The following CNTNAP2 variants were observed in gnomAD, a reference collection of about 807,000 sequenced individuals.
CNTNAP2 encodes contactin-associated protein-like 2.
CNTNAP2 carries 98 observed loss-of-function variants against 155.2 expected under a neutral mutation model. That is an observed-to-expected ratio of 0.63 (90% CI 0.54 to 0.75). The LOEUF (loss-of-function observed/expected upper bound fraction) is 0.75. Ranked by LOEUF, CNTNAP2 falls within the 30% of genes least tolerant of loss-of-function variation. The pLI is 0.00. For missense variants in CNTNAP2, 1,727 were observed against 1,688.1 expected (o/e 1.02, Z -0.40); for synonymous variants, 651 against 631.2 (o/e 1.03, Z -0.47).
At chr7:147,945,868 C>CTTTTTTTTTTTTTTTTTTTTTTTTT (rs34305612) in intron 14 of CNTNAP2, among the ~76,000 whole-genome samples, 1 of 123,362 alleles carries the variant, frequency 8.1e-6, no homozygotes, top group Non-Finnish European at 1.7e-5. Flanking sequence ...TTTTCTTTTT[C>CTTTTTTTTTTTTTTTTTTTTTTTTT]TTTTTTTTTT....
rs945129481 is a variant in CNTNAP2, at chr7:147,179,006, G to T, written c.1348+46497G>T. Among the ~76,000 whole-genome samples the T allele has an allele frequency of 2.0e-5, 3 of 152,024 alleles. No individual in the cohort carries two copies. In the East Asian group the frequency reaches 5.8e-4, roughly 29 times the overall value. The stretch of plus-strand genomic sequence containing the variant: ...CTGATCAGGGTGCTGGAGTTCAGGG[G>T]CTAGCTGAGCACTCATCCCAACTGC... On this transcript the variant is annotated intron_variant, in intron 8 of 23. Transcript: ENST00000361727.
intron 15 of CNTNAP2, among the ~76,000 whole-genome samples, chr7:147,981,530 G>A (rs568360436): frequency 6.6e-6 from 1 of 152,310 alleles, no homozygotes; most frequent in Non-Finnish European, 1.5e-5. Flanking sequence ...GTTGAGTGAT[G>A]ACAGCCCTCA....
chr7:147,055,564 C>T (rs1419483833), intron 4 of CNTNAP2, among the ~76,000 whole-genome samples: 5 of 152,152 alleles, frequency 3.3e-5, no homozygotes, highest in Non-Finnish European at 7.3e-5. Flanking sequence ...GCAACTGAGA[C>T]CAACAGCAGT....
intron 1 of CNTNAP2, among the ~76,000 whole-genome samples, chr7:146,597,921 C>T (rs554825577): frequency 5.3e-4 from 80 of 152,234 alleles, no homozygotes; most frequent in African/African-American, 1.9e-3. Flanking sequence ...TCACATGCAT[C>T]TTTTGGCTCC....
Position 147,398,588 on chromosome 7 carries a change from ACTTTTTTTTTTTT to A in CNTNAP2, c.1670+2809_1670+2821del, listed in dbSNP as rs796210531. 1.5e-3 allele frequency among the ~76,000 whole-genome samples: 79 copies of A among 52,114 alleles called. No homozygotes were observed. The Middle Eastern group carries it at 0.03, about 20-fold the overall frequency. 34.2% of individuals were successfully genotyped at this position (52,114 alleles called of 152,430 possible). ...TGTATTGGAATACCCTACGATTTGA[ACTTTTTTTTTTTT>A]TTTTTTTGCTTTGTGTGTAGATTTG... On this transcript the variant is annotated intron_variant, in intron 10 of 23. Coordinates refer to ENST00000361727, the MANE Select transcript of CNTNAP2 (RefSeq NM_014141.6).
chr7:148,050,244 C>T (rs573492682), intron 15 of CNTNAP2, among the ~76,000 whole-genome samples: 2 of 152,324 alleles, frequency 1.3e-5, no homozygotes, highest in East Asian at 3.9e-4. Flanking sequence ...ACCATAGGAG[C>T]TGGCAGCTCT....
At chr7:147,317,255 C>G (rs1223511496) in intron 9 of CNTNAP2, among the ~76,000 whole-genome samples, 1 of 152,240 alleles carries the variant, frequency 6.6e-6, no homozygotes, top group African/African-American at 2.4e-5. Context: ...AGTCCTCTTT[C>G]AATCTATCTT....
chr7:147,590,908 G>C (rs535460990), intron 12 of CNTNAP2, among the ~76,000 whole-genome samples: 20 of 152,222 alleles, frequency 1.3e-4, no homozygotes, highest in African/African-American at 4.8e-4. Context: ...GTGAGAGAGA[G>C]CAGCAAACCT....
chr7:146,317,238 A>G (rs1411532347), intron 1 of CNTNAP2, among the ~76,000 whole-genome samples: 1 of 152,198 alleles, frequency 6.6e-6, no homozygotes, highest in Non-Finnish European at 1.5e-5. Context: ...AAAATTTATA[A>G]TTATTCAAAC....
chr7:148,217,012 T>C (rs1037781052), intron 18 of CNTNAP2, among the ~76,000 whole-genome samples: 1 of 152,086 alleles, frequency 6.6e-6, no homozygotes, highest in Non-Finnish European at 1.5e-5. Flanking sequence ...GAGCTGTGAG[T>C]CCACTAAACT....
At chr7:148,300,039 C>T (rs1797355005) in intron 21 of CNTNAP2, among the ~76,000 whole-genome samples, 1 of 152,118 alleles carries the variant, frequency 6.6e-6, no homozygotes, top group South Asian at 2.1e-4. Flanking sequence ...GAGAGTTGAA[C>T]AGGGATAACG....
intron 15 of CNTNAP2, among the ~76,000 whole-genome samples, chr7:148,072,311 G>A (rs997003854): frequency 2.0e-5 from 3 of 152,104 alleles, no homozygotes; most frequent in Non-Finnish European, 4.4e-5. Context: ...AGCTTTTTCT[G>A]TAAAGGACCA....
intron 3 of CNTNAP2, among the ~76,000 whole-genome samples, chr7:146,957,315 C>T (rs1041016346): frequency 6.6e-6 from 1 of 152,016 alleles, no homozygotes; most frequent in Non-Finnish European, 1.5e-5. Context: ...TATGACTTCA[C>T]CAGGTGATAG....
intron 1 of CNTNAP2, among the ~76,000 whole-genome samples, chr7:146,672,255 C>T (rs1453557208): frequency 2.6e-5 from 4 of 152,200 alleles, no homozygotes; most frequent in African/African-American, 9.7e-5. Flanking sequence ...GTTGAAATAG[C>T]CCTCACTGCT....
intron 10 of CNTNAP2, among the ~76,000 whole-genome samples, chr7:147,401,951 G>A (rs575937966): frequency 6.6e-6 from 1 of 152,282 alleles, no homozygotes; most frequent in Admixed American, 6.5e-5. Context: ...TAAAACAAAA[G>A]AGGTCATGAG....
chr7:146,388,403 C>A (rs965904504), intron 1 of CNTNAP2, among the ~76,000 whole-genome samples: 5 of 151,976 alleles, frequency 3.3e-5, no homozygotes, highest in African/African-American at 1.2e-4. Context: ...CCACTGTACT[C>A]CAGCCTGGGT....
chr7:148,175,569 C>G (rs1794918422), intron 18 of CNTNAP2, among the ~76,000 whole-genome samples: 1 of 152,090 alleles, frequency 6.6e-6, no homozygotes, highest in African/African-American at 2.4e-5. Context: ...AGAGATCACC[C>G]TTCAGATGGG....
chr7:147,476,457 C>T (rs760985459), intron 10 of CNTNAP2, among the ~76,000 whole-genome samples: 1 of 144,794 alleles, frequency 6.9e-6, no homozygotes, highest in African/African-American at 2.4e-5. Context: ...TTAAGTTTCC[C>T]GTTAGTAGTG....
chr7:148,030,301 CATATTGT>C (rs748116889), intron 15 of CNTNAP2, among the ~76,000 whole-genome samples: 5 of 152,186 alleles, frequency 3.3e-5, no homozygotes, highest in Non-Finnish European at 7.4e-5. Flanking sequence ...AATCGTTGTG[CATATTGT>C]ATTGTTGCAT....
Sources: gnomAD v4.1 joint callset for allele counts (sites outside exome capture counted in the v4.1 genomes callset) on GRCh38, gnomAD v4.1.1 for gene constraint, MANE v1.5 for transcripts, NCBI Gene and HGNC (gene_info 2026-07-23, HGNC 2026-07-21) for gene names.